The following EPB41L1 variants were observed in gnomAD, a reference collection of about 807,000 sequenced individuals.
The protein encoded by EPB41L1 is erythrocyte membrane protein band 4.1 like 1.
A neutral mutation model predicts 97.8 loss-of-function variants in EPB41L1; 29 were observed. That is an observed-to-expected ratio of 0.30 (90% CI 0.22 to 0.40). The LOEUF (loss-of-function observed/expected upper bound fraction) is 0.40, where lower values mean the gene tolerates loss of function less well. Among genes scored for constraint, EPB41L1 ranks in the 10% least tolerant of loss-of-function variants. The pLI is 1.00. For synonymous variants in EPB41L1, 383 were observed against 459.2 expected (o/e 0.83, Z 2.12); for missense variants, 812 against 1,162.3 (o/e 0.70, Z 4.38).
At chr20:36,144,097 C>T (rs2059747592) in intron 2 of EPB41L1, among the ~76,000 whole-genome samples, 1 of 152,178 alleles carries the variant, frequency 6.6e-6, no homozygotes, top group Admixed American at 6.5e-5. Context: ...AGGTGATCTG[C>T]CCGCCTCGGC....
intron 2 of EPB41L1, among the ~76,000 whole-genome samples, chr20:36,148,553 C>T (rs892218276): frequency 2.0e-5 from 3 of 152,162 alleles, no homozygotes; most frequent in East Asian, 1.9e-4. Flanking sequence ...TCTTGAGAGT[C>T]GGGCTGAGGT....
chr20:36,198,565 A>G (rs903322439), intron 14 of EPB41L1, among the ~76,000 whole-genome samples: 3 of 152,216 alleles, frequency 2.0e-5, no homozygotes, highest in Non-Finnish European at 1.5e-5. Flanking sequence ...GGCCCTTCAC[A>G]GAAATCAGAC....
At chr20:36,160,915 T>C (rs2060500427) in intron 1 of EPB41L1, among the ~76,000 whole-genome samples, 1 of 152,250 alleles carries the variant, frequency 6.6e-6, no homozygotes, top group Admixed American at 6.5e-5. Context: ...AGCCCCCCTG[T>C]TGATTGACAT....
intron 2 of EPB41L1, among the ~76,000 whole-genome samples, chr20:36,130,787 TTC>T (rs35428172): frequency 0.013 from 1,922 of 143,314 alleles, 21 homozygotes; most frequent in African/African-American, 0.036. Flanking sequence ...TTTTAAAAAT[TTC>T]TCTCTCTCTC....
rs951856573 is a variant in EPB41L1, at chr20:36,195,681, C to T, written c.1485+317C>T. On this transcript the variant is annotated intron_variant, in intron 13 of 21. Coordinates refer to ENST00000338074, the MANE Select transcript of EPB41L1 (RefSeq NM_012156.2). The surrounding 1 kb of genome is among the most constrained non-coding windows in gnomAD (Gnocchi z 4.6). ...CACCTGCTGACCATCCCACCTGCACCACCAGCTCTTCCAGGCCATTCTGTG... is the reference window on the plus strand; with the variant it reads ...CACCTGCTGACCATCCCACCTGCACTACCAGCTCTTCCAGGCCATTCTGTG... Among the ~76,000 whole-genome samples, 2 of 152,210 alleles carry T rather than the reference C, an allele frequency of 1.3e-5. No homozygotes were observed. Among genetic ancestry groups the T allele is most frequent in the African/African-American group, 4.8e-5 (2 of 41,448 alleles).
At chr20:36,130,311 G>A (rs2059149224) in intron 2 of EPB41L1, among the ~76,000 whole-genome samples, 1 of 151,360 alleles carries the variant, frequency 6.6e-6, no homozygotes, top group Non-Finnish European at 1.5e-5. Flanking sequence ...AAAACAGGAA[G>A]CAGAAAAAAA....
chr20:36,218,945 A>G lies in EPB41L1; in HGVS notation c.2338A>G (p.Ile780Val). ...IPGPQTVATE[I>V]RSLSPIIGKD... ...AGGCCCACAGACGGTGGCCACGGAA[A>G]TCCGTTCTCTTTCTCCGGTAAGTGG... Residue 780 changes from isoleucine to valine, a missense_variant, in exon 18 of 22, where the codon ATC (isoleucine) becomes GTC (valine). By Grantham distance (29) the Ile-to-Val change is conservative (BLOSUM62 3). Coordinates refer to ENST00000338074, the MANE Select transcript of EPB41L1 (RefSeq NM_012156.2). The G allele has an allele frequency of 1.2e-6, 2 of 1,614,176 alleles. No homozygotes were observed. Among genetic ancestry groups the G allele is most frequent in the Non-Finnish European group, 1.7e-6 (2 of 1,180,016 alleles).
chr20:36,192,303 C>T (rs115682136), intron 11 of EPB41L1, among the ~76,000 whole-genome samples: 7,642 of 151,998 alleles, frequency 0.05, 652 homozygotes, highest in African/African-American at 0.17. Context: ...GAAGCCAAGG[C>T]AGGTGGATCA....
rs2146465206 is a variant in EPB41L1 at position 36,195,251 on chromosome 20, C to T, written c.1450-78C>T. On this transcript the variant is annotated intron_variant, in intron 12 of 21. Transcript: ENST00000338074. The surrounding 1 kb of genome is among the most constrained non-coding windows in gnomAD (Gnocchi z 4.6). ...GCGTGCTCTGGGCTCCTTGCTGGAC[C>T]AAGCCCATCGTGGTATCTCTAATCC... The T allele has an allele frequency of 5.1e-6, 8 of 1,583,560 alleles. No homozygotes were observed. In the South Asian group the frequency reaches 8.9e-5, roughly 18 times the overall value.
intron 1 of EPB41L1, among the ~76,000 whole-genome samples, chr20:36,099,235 A>G (rs888321463): frequency 2.6e-5 from 4 of 152,168 alleles, no homozygotes; most frequent in Non-Finnish European, 5.9e-5. Flanking sequence ...CATGGTCATG[A>G]GACTTGATCA....
chr20:36,096,888 G>A lies in EPB41L1; in HGVS notation c.-65+5276G>A, dbSNP rs191810717. The stretch of plus-strand genomic sequence containing the variant: ...GGCACTAAATGATACCCAAAGTTTC[G>A]TTTCAAGCCCTGACAATGTGTAATC... On this transcript the variant is annotated intron_variant, in intron 1 of 19. Coordinates refer to the EPB41L1 transcript ENST00000202028. Among the ~76,000 whole-genome samples the A allele has an allele frequency of 1.7e-4, 26 of 152,324 alleles. No homozygotes were observed. The East Asian group carries it at 4.6e-3, about 27-fold the overall frequency.
intron 18 of EPB41L1, 152 bp from the exon 19 acceptor site, chr20:36,219,609 A>G (rs148430786): frequency 1.5e-6 from 1 of 688,490 alleles, no homozygotes; most frequent in East Asian, 2.6e-5. Context: ...AGTTTTCTGA[A>G]GATTCTAGTA....
intron 14 of EPB41L1, among the ~76,000 whole-genome samples, chr20:36,205,393 A>G (rs529741677): frequency 6.6e-6 from 1 of 152,324 alleles, no homozygotes; most frequent in East Asian, 1.9e-4. Context: ...CTGTTTCCTC[A>G]TTTACACAAT....
chr20:36,201,720 C>T (rs2062507512), intron 14 of EPB41L1, among the ~76,000 whole-genome samples: 1 of 152,170 alleles, frequency 6.6e-6, no homozygotes, highest in African/African-American at 2.4e-5. Flanking sequence ...GCTCTTTGAA[C>T]TTCCTGTGGC....
chr20:36,187,843 G>A (rs1433633538), intron 8 of EPB41L1, 80 bp downstream of exon 8: 3 of 1,250,598 alleles, frequency 2.4e-6, no homozygotes, highest in Non-Finnish European at 3.5e-6. Flanking sequence ...AGGGCGTGGT[G>A]TGCCAGACCC....
intron 2 of EPB41L1, among the ~76,000 whole-genome samples, chr20:36,131,695 A>G (rs1459374413): frequency 3.3e-5 from 5 of 152,192 alleles, no homozygotes; most frequent in Non-Finnish European, 7.3e-5. Context: ...AGCCAGGATG[A>G]CAATGGTCAG....
At chr20:36,182,212 C>A in intron 5 of EPB41L1, 60 bp from the exon 6 acceptor site, 1 of 1,475,976 alleles carries the variant, frequency 6.8e-7, no homozygotes, top group Non-Finnish European at 9.5e-7. Context: ...GAGGATGGTG[C>A]ATCTGGACCA....
At chr20:36,210,134 C>T (rs544235989) in intron 15 of EPB41L1, among the ~76,000 whole-genome samples, 2 of 152,298 alleles carry the variant, frequency 1.3e-5, no homozygotes, top group South Asian at 2.1e-4. Flanking sequence ...TTGCTGAAGT[C>T]GAGCGATGAC....
intron 2 of EPB41L1, among the ~76,000 whole-genome samples, chr20:36,115,030 G>A (rs556862538): frequency 6.6e-5 from 10 of 152,156 alleles, no homozygotes; most frequent in Non-Finnish European, 1.3e-4. Flanking sequence ...TAATGCAAAT[G>A]CCAACAATAA....
Sources: allele counts gnomAD v4.1 joint callset (sites outside exome capture counted in the v4.1 genomes callset), GRCh38; gene constraint gnomAD v4.1.1; non-coding constraint Gnocchi (gnomAD v3.1); transcripts MANE v1.5; gene names NCBI Gene and HGNC (gene_info 2026-07-23, HGNC 2026-07-21).